Variants in ADAMTSL1 observed in about 807,000 individuals in gnomAD.
ADAMTSL1 encodes ADAMTS-like protein 1.
A neutral mutation model predicts 201.8 loss-of-function variants in ADAMTSL1; 126 were observed. That is an observed-to-expected ratio of 0.62 (90% CI 0.54 to 0.72). ADAMTSL1 has a LOEUF of 0.72. Ranked by LOEUF, ADAMTSL1 falls within the 30% of genes least tolerant of loss-of-function variation. The pLI, the probability that ADAMTSL1 is intolerant of heterozygous loss-of-function variation, is 0.00. For missense variants in ADAMTSL1, 2,679 were observed against 2,277.8 expected, an observed-to-expected ratio of 1.18 and a Z score of -3.59; for synonymous variants, 1,121 against 903.4, an observed-to-expected ratio of 1.24 and a Z score of -4.32.
Position 18,828,631 on chromosome 9 carries a change from A to G in ADAMTSL1, c.4115-1212A>G, listed in dbSNP as rs1002846664. Reference sequence around the variant, plus strand: ...CAGGCATGATGTTTTTCTCTATGCCATATGAAAAGGATTCTTTTGAAAGTA... The same window carrying G: ...CAGGCATGATGTTTTTCTCTATGCCGTATGAAAAGGATTCTTTTGAAAGTA... On this transcript the variant is annotated intron_variant, in intron 22 of 28. Coordinates refer to ENST00000380548, the MANE Select transcript of ADAMTSL1 (RefSeq NM_001040272.6). Among the ~76,000 whole-genome samples the G allele has an allele frequency of 5.9e-5, 6 of 102,126 alleles. No individual in the cohort carries two copies. The South Asian group carries it at 1.2e-3, about 21-fold the overall frequency. 67.0% of individuals were successfully genotyped at this position (102,126 alleles called of 152,430 possible). A position where few individuals can be genotyped will look rare whatever the true frequency, so the allele number is the denominator to read the frequency against.
chr9:18,852,755 A>G (rs1416562819), intron 23 of ADAMTSL1, among the ~76,000 whole-genome samples: 4 of 152,234 alleles, frequency 2.6e-5, no homozygotes, highest in African/African-American at 7.2e-5. Context: ...TGCCTTTCTC[A>G]TCAGTATAGT....
At chr9:17,914,632 C>G (rs996534544) in intron 1 of ADAMTSL1, among the ~76,000 whole-genome samples, 3 of 151,586 alleles carry the variant, frequency 2.0e-5, no homozygotes, top group South Asian at 2.1e-4. Flanking sequence ...TGCCCTCTCT[C>G]ACCACTCCTA....
chr9:18,017,913 C>T (rs1820325434), intron 1 of ADAMTSL1, among the ~76,000 whole-genome samples: 1 of 152,004 alleles, frequency 6.6e-6, no homozygotes, highest in African/African-American at 2.4e-5. Context: ...GATCAATGCA[C>T]ATGTAATGTC....
At chr9:18,092,610 T>C (rs1824077778) in intron 1 of ADAMTSL1, among the ~76,000 whole-genome samples, 1 of 152,192 alleles carries the variant, frequency 6.6e-6, no homozygotes, top group Admixed American at 6.5e-5. Context: ...TTTCCCAGTC[T>C]TTCCCCAATA....
chr9:18,772,284 G>T (rs553334575), intron 17 of ADAMTSL1, among the ~76,000 whole-genome samples: 14 of 152,326 alleles, frequency 9.2e-5, no homozygotes, highest in African/African-American at 3.4e-4. Flanking sequence ...GACTGCTGAG[G>T]AAGGGACTTG....
At chr9:17,996,624 C>T (rs1428293030) in intron 1 of ADAMTSL1, among the ~76,000 whole-genome samples, 2 of 151,870 alleles carry the variant, frequency 1.3e-5, no homozygotes, top group African/African-American at 4.8e-5. Context: ...ATATTGAATC[C>T]CAAAGTGCTC....
intron 2 of ADAMTSL1, among the ~76,000 whole-genome samples, chr9:18,314,109 T>G (rs1241698016): frequency 6.6e-6 from 1 of 152,064 alleles, no homozygotes; most frequent in Non-Finnish European, 1.5e-5. Flanking sequence ...AGTAGGGAAG[T>G]GCAAATCAAA....
rs550856360 is a variant in ADAMTSL1 at position 18,595,339 on chromosome 9, C to T, written c.474+21073C>T. 7.2e-5 allele frequency among the ~76,000 whole-genome samples: 11 copies of T among 152,266 alleles called. No individual in the cohort carries two copies. In the South Asian group the frequency reaches 2.1e-3, roughly 29 times the overall value. On this transcript the variant is annotated intron_variant, in intron 4 of 28. Coordinates refer to ENST00000380548, the MANE Select transcript of ADAMTSL1 (RefSeq NM_001040272.6). ...TGTCTTATTGGATCAGATGGACATG[C>T]ATCACCCAGCAGGTCCCTGCACAGA... is the stretch of plus-strand genomic sequence containing the variant.
chr9:18,220,860 G>A (rs1006367872), intron 2 of ADAMTSL1, among the ~76,000 whole-genome samples: 1 of 151,148 alleles, frequency 6.6e-6, no homozygotes, highest in Non-Finnish European at 1.5e-5. Flanking sequence ...CTGCAACCTC[G>A]GCTTCCCAGG....
intron 5 of ADAMTSL1, 93 bp downstream of exon 5, chr9:18,622,462 C>A: frequency 6.4e-7 from 1 of 1,558,382 alleles, no homozygotes; most frequent in Non-Finnish European, 8.8e-7. Context: ...GGAACAACAC[C>A]TCCACCAAAA....
intron 2 of ADAMTSL1, among the ~76,000 whole-genome samples, chr9:18,524,143 G>A (rs1322195452): frequency 1.3e-5 from 2 of 151,910 alleles, no homozygotes; most frequent in Non-Finnish European, 1.5e-5. Flanking sequence ...AGTTCTCCTT[G>A]AAGAGGTCCT....
intron 1 of ADAMTSL1, among the ~76,000 whole-genome samples, chr9:18,039,047 G>A (rs559466030): frequency 2.0e-5 from 3 of 152,056 alleles, no homozygotes; most frequent in African/African-American, 4.8e-5. Context: ...TATATGAAAC[G>A]AAAATATTAG....
intron 1 of ADAMTSL1, among the ~76,000 whole-genome samples, chr9:18,027,102 T>TG (rs1826323164): frequency 6.6e-6 from 1 of 151,824 alleles, no homozygotes; most frequent in South Asian, 2.1e-4. Context: ...CTCTTTTTTT[T>TG]TTTTTAATTT....
At chr9:18,034,694 T>A (rs1003751491) in intron 1 of ADAMTSL1, among the ~76,000 whole-genome samples, 2 of 152,308 alleles carry the variant, frequency 1.3e-5, no homozygotes, top group South Asian at 4.1e-4. Flanking sequence ...CCTTCATTTT[T>A]ATTCTTACTT....
intron 1 of ADAMTSL1, among the ~76,000 whole-genome samples, chr9:18,482,960 A>G (rs17801150): frequency 0.11 from 16,220 of 152,224 alleles, 951 homozygotes; most frequent in Non-Finnish European, 0.13. Flanking sequence ...GGGGCTTGTA[A>G]CTGGTCTGAG....
intron 2 of ADAMTSL1, among the ~76,000 whole-genome samples, chr9:18,350,786 G>A (rs1835932979): frequency 6.6e-6 from 1 of 152,098 alleles, no homozygotes; most frequent in Non-Finnish European, 1.5e-5. Flanking sequence ...GGGTGAATTG[G>A]AAAGAACAGT....
intron 5 of ADAMTSL1, among the ~76,000 whole-genome samples, chr9:18,627,366 T>C (rs1226414362): frequency 6.6e-6 from 1 of 152,216 alleles, no homozygotes; most frequent in Non-Finnish European, 1.5e-5. Context: ...TGGCTAATAA[T>C]GTTAACATCT....
chr9:17,908,999 T>G lies in ADAMTSL1; in HGVS notation c.87+2077T>G, dbSNP rs570622088. On this transcript the variant is annotated intron_variant, in intron 1 of 29. Transcript: ENST00000680146. ...CAGCACCTGTTGTTTCCTGACTTTT[T>G]AATGATTGCCATTCTAACTGGTGTG... 6.3e-3 allele frequency among the ~76,000 whole-genome samples: 942 copies of G among 150,420 alleles called. 13 individuals carry two copies. The highest frequency in any genetic ancestry group is 0.021 in the African/African-American group (879 of 41,072).
chr9:18,176,899 C>T (rs1035673631), intron 2 of ADAMTSL1, among the ~76,000 whole-genome samples: 24 of 152,104 alleles, frequency 1.6e-4, no homozygotes, highest in African/African-American at 5.6e-4. Context: ...TCAGAAACAG[C>T]GCTTGATTTT....
Sources: allele counts gnomAD v4.1 joint callset (sites outside exome capture counted in the v4.1 genomes callset), GRCh38; gene constraint gnomAD v4.1.1; transcripts MANE v1.5; gene names NCBI Gene and HGNC (gene_info 2026-07-23, HGNC 2026-07-21).